PRR11: variants seen among roughly 807,000 people sequenced by gnomAD.
The protein encoded by PRR11 is proline-rich protein 11.
A neutral mutation model predicts 45.6 loss-of-function variants in PRR11; 30 were observed. That is an observed-to-expected ratio of 0.66 (90% CI 0.49 to 0.89). The LOEUF is 0.89. Among genes scored for constraint, PRR11 ranks in the 40% least tolerant of loss-of-function variants. The probability of loss-of-function intolerance (pLI) is 0.00; values close to 1 mark genes in which losing one functional copy is unlikely to be tolerated. For missense variants in PRR11, 373 were observed against 424.8 expected (o/e 0.88, Z 1.07); for synonymous variants, 128 against 153.5 (o/e 0.83, Z 1.23).
At chr17:59,188,164 G>A (rs2046823054) in intron 4 of PRR11, among the ~76,000 whole-genome samples, 1 of 152,068 alleles carries the variant, frequency 6.6e-6, no homozygotes, top group Admixed American at 6.6e-5. Flanking sequence ...AAAGAAGAAG[G>A]CAAAAATGTA....
chr17:59,191,492 T>C (rs2046840573), intron 4 of PRR11, among the ~76,000 whole-genome samples: 1 of 152,130 alleles, frequency 6.6e-6, no homozygotes, highest in African/African-American at 2.4e-5. Flanking sequence ...GTGCTGGGAT[T>C]ATAGACGTGA....
intron 2 of PRR11, among the ~76,000 whole-genome samples, chr17:59,170,474 C>T (rs906895142): frequency 6.6e-6 from 1 of 152,048 alleles, no homozygotes; most frequent in Non-Finnish European, 1.5e-5. Context: ...ATGATCAAGG[C>T]TCACTGCAGC....
intron 2 of PRR11, chr17:59,175,000 T>A (rs754901859): frequency 8.2e-6 from 6 of 727,760 alleles, no homozygotes; most frequent in Middle Eastern, 2.7e-4. Flanking sequence ...CTCCAGCGCA[T>A]GGAACGGAAG....
At chr17:59,179,985 G>T (rs2046772254) in intron 2 of PRR11, 4 of 1,123,918 alleles carry the variant, frequency 3.6e-6, no homozygotes, top group Non-Finnish European at 5.1e-6. Flanking sequence ...CTCGCAGACT[G>T]CTGGCTTCTC....
intron 4 of PRR11, among the ~76,000 whole-genome samples, chr17:59,191,027 T>G (rs1248642460): frequency 6.6e-6 from 1 of 152,138 alleles, no homozygotes; most frequent in African/African-American, 2.4e-5. Flanking sequence ...TTCCTCAAGC[T>G]CCAGGTCACC....
At chr17:59,176,252 T>C (rs2046745004) in intron 2 of PRR11, among the ~76,000 whole-genome samples, 1 of 152,006 alleles carries the variant, frequency 6.6e-6, no homozygotes, top group Admixed American at 6.6e-5. Context: ...CCAGTTTGGT[T>C]GTAGAGATTA....
intron 1 of PRR11, among the ~76,000 whole-genome samples, chr17:59,164,878 CAAA>C (rs1164045099): frequency 1.5e-5 from 2 of 130,164 alleles, no homozygotes; most frequent in Non-Finnish European, 1.7e-5. Context: ...GACCGTGTCT[CAAA>C]AAAAAAAAAA....
intron 4 of PRR11, among the ~76,000 whole-genome samples, chr17:59,192,117 C>T (rs1023861353): frequency 2.6e-5 from 4 of 152,002 alleles, no homozygotes; most frequent in African/African-American, 9.7e-5. Context: ...TCTAGGTGGA[C>T]CCTAAGTCCC....
intron 2 of PRR11, among the ~76,000 whole-genome samples, chr17:59,176,707 TTTTTTTTG>T: frequency 7.2e-6 from 1 of 138,290 alleles, no homozygotes; most frequent in African/African-American, 2.7e-5. Context: ...TTTTTTTTTT[TTTTTTTTG>T]AGAAAAAGTC....
intron 1 of PRR11, 48 bp from the exon 2 acceptor site, chr17:59,169,700 A>G (rs2046697507): frequency 2.8e-6 from 4 of 1,420,184 alleles, no homozygotes; most frequent in Non-Finnish European, 3.8e-6. Context: ...TACTTTCTAT[A>G]TGTATATATT....
rs1172180297 is a variant in PRR11, at chr17:59,206,379, G to GA, written c.*4754dup. On this transcript the variant is annotated 3_prime_UTR_variant, in exon 10 of 10. Transcript: ENST00000262293. ...GCAAGACTCCATCTCAAAAAGAAAA[G>GA]AAAAAATGCTTTGCTACATAATGAG... 2.0e-5 allele frequency among the ~76,000 whole-genome samples: 3 copies of GA among 150,060 alleles called. No homozygotes were observed. The highest frequency in any genetic ancestry group is 7.4e-5 in the African/African-American group (3 of 40,796).
intron 5 of PRR11, among the ~76,000 whole-genome samples, chr17:59,194,304 C>CACACAA (rs769785926): frequency 1.3e-5 from 2 of 149,400 alleles, no homozygotes; most frequent in South Asian, 2.1e-4. Flanking sequence ...CACACACACA[C>CACACAA]AAAACAAAAC....
intron 2 of PRR11, chr17:59,179,844 G>A: frequency 7.4e-7 from 1 of 1,345,802 alleles, no homozygotes; most frequent in Admixed American, 1.7e-5. Flanking sequence ...TTCCAGCAAA[G>A]GGACCCACAC....
intron 7 of PRR11, among the ~76,000 whole-genome samples, chr17:59,196,641 T>C (rs950218060): frequency 3.9e-5 from 6 of 152,022 alleles, no homozygotes; most frequent in Non-Finnish European, 8.8e-5. Context: ...CCTCCTAAAG[T>C]GCTGGGATTT....
At chr17:59,196,278 G>A (rs537299808) in intron 7 of PRR11, among the ~76,000 whole-genome samples, 29 of 152,156 alleles carry the variant, frequency 1.9e-4, no homozygotes, top group Admixed American at 7.9e-4. Context: ...ATTATACACA[G>A]ACAGATACAC....
intron 2 of PRR11, among the ~76,000 whole-genome samples, chr17:59,175,735 C>CT (rs1244861666): frequency 6.6e-6 from 1 of 152,048 alleles, no homozygotes; most frequent in Non-Finnish European, 1.5e-5. Context: ...GAACAAGACT[C>CT]TGTCTCAATA....
intron 7 of PRR11, among the ~76,000 whole-genome samples, chr17:59,196,614 T>A (rs1230099195): frequency 6.6e-6 from 1 of 151,970 alleles, no homozygotes; most frequent in East Asian, 1.9e-4. Context: ...TGACCTCAAA[T>A]GACCCACCCC....
intron 9 of PRR11, among the ~76,000 whole-genome samples, chr17:59,198,639 A>C (rs2046878085): frequency 1.3e-5 from 2 of 151,622 alleles, no homozygotes; most frequent in South Asian, 4.2e-4. Context: ...GTGCCACTGA[A>C]CTCCAGCCTG....
chr17:59,169,931 A>C, intron 2 of PRR11, 51 bp downstream of exon 2: 1 of 1,528,076 alleles, frequency 6.5e-7, no homozygotes, highest in Non-Finnish European at 8.8e-7. Context: ...TGATCAGTTT[A>C]AGATAGAGTT....
Sources: gnomAD v4.1 joint callset for allele counts (sites outside exome capture counted in the v4.1 genomes callset) on GRCh38, gnomAD v4.1.1 for gene constraint, MANE v1.5 for transcripts, NCBI Gene and HGNC (gene_info 2026-07-23, HGNC 2026-07-21) for gene names.